Variants in ZNF804B observed in about 807,000 individuals in gnomAD.
ZNF804B encodes the protein zinc finger 804B.
A neutral mutation model predicts 101.4 loss-of-function variants in ZNF804B; 80 were observed. The observed-to-expected ratio is 0.79, with a 90% confidence interval of 0.66 to 0.95. The LOEUF (loss-of-function observed/expected upper bound fraction) is 0.95, where lower values mean the gene tolerates loss of function less well. Ranked by LOEUF, ZNF804B falls within the 40% of genes least tolerant of loss-of-function variation. The pLI is 0.00. For missense variants in ZNF804B, 1,673 were observed against 1,561.9 expected (o/e 1.07, Z -1.20); for synonymous variants, 622 against 558.8 (o/e 1.11, Z -1.59).
At chr7:89,149,062 G>C (rs1463238649) in intron 1 of ZNF804B, among the ~76,000 whole-genome samples, 2 of 151,982 alleles carry the variant, frequency 1.3e-5, no homozygotes, top group East Asian at 3.9e-4. Context: ...ATAGAAGAAG[G>C]CATCAGAAGG....
chr7:88,919,716 A>G (rs1483502103), intron 1 of ZNF804B, among the ~76,000 whole-genome samples: 1 of 152,080 alleles, frequency 6.6e-6, no homozygotes, highest in Non-Finnish European at 1.5e-5. Context: ...ATCCAGGCAC[A>G]TTGTTATCGT....
intron 1 of ZNF804B, among the ~76,000 whole-genome samples, chr7:89,045,569 A>G (rs543176022): frequency 6.6e-6 from 1 of 152,326 alleles, no homozygotes; most frequent in East Asian, 1.9e-4. Context: ...CAACACTTGC[A>G]TCAGCATGAC....
intron 1 of ZNF804B, among the ~76,000 whole-genome samples, chr7:89,210,996 C>T (rs190929724): frequency 1.3e-5 from 2 of 152,332 alleles, no homozygotes; most frequent in Admixed American, 1.3e-4. Context: ...GCAACCTTGA[C>T]AGCAACTGTT....
chr7:88,837,499 A>T (rs905562184), intron 1 of ZNF804B, among the ~76,000 whole-genome samples: 2 of 151,954 alleles, frequency 1.3e-5, no homozygotes, highest in East Asian at 1.9e-4. Flanking sequence ...TTTTTCAGTG[A>T]TCAATGGTAG....
chr7:88,807,098 A>G (rs1333055660), intron 1 of ZNF804B, among the ~76,000 whole-genome samples: 1 of 152,184 alleles, frequency 6.6e-6, no homozygotes, highest in East Asian at 1.9e-4. Flanking sequence ...ATAACTTTAT[A>G]CTTTTAACCT....
At chr7:89,252,787 A>T (rs1789562569) in intron 2 of ZNF804B, among the ~76,000 whole-genome samples, 1 of 152,240 alleles carries the variant, frequency 6.6e-6, no homozygotes, top group South Asian at 2.1e-4. Context: ...CAGAAGCAGA[A>T]AATCAGATGC....
chr7:89,107,302 A>C (rs1280484254), intron 1 of ZNF804B, among the ~76,000 whole-genome samples: 1 of 152,136 alleles, frequency 6.6e-6, no homozygotes, highest in Admixed American at 6.6e-5. Flanking sequence ...ATGAATTATA[A>C]ATTTAATGAT....
intron 1 of ZNF804B, among the ~76,000 whole-genome samples, chr7:89,053,076 T>C (rs1789234074): frequency 6.6e-6 from 1 of 152,176 alleles, no homozygotes; most frequent in Admixed American, 6.6e-5. Context: ...TCAGGTATAA[T>C]TATAACAGTT....
intron 1 of ZNF804B, among the ~76,000 whole-genome samples, chr7:88,955,218 T>A (rs1793287443): frequency 1.3e-5 from 2 of 151,674 alleles, no homozygotes. Context: ...GAGCCTCATA[T>A]TTCTGAGTCC....
chr7:89,278,771 A>C (rs1269520367), intron 2 of ZNF804B, among the ~76,000 whole-genome samples: 1 of 150,154 alleles, frequency 6.7e-6, no homozygotes, highest in Non-Finnish European at 1.5e-5. Flanking sequence ...GTATAGTTTG[A>C]AGTCAGGTAG....
intron 1 of ZNF804B, among the ~76,000 whole-genome samples, chr7:88,768,346 T>A (rs920388404): frequency 2.0e-5 from 3 of 152,236 alleles, no homozygotes; most frequent in African/African-American, 7.2e-5. Context: ...AGCTCTACAG[T>A]TTAGCTATAT....
At chr7:89,318,279 G>A (rs1790762769) in intron 2 of ZNF804B, among the ~76,000 whole-genome samples, 1 of 152,204 alleles carries the variant, frequency 6.6e-6, no homozygotes, top group African/African-American at 2.4e-5. Flanking sequence ...ACAGTGCTAT[G>A]TGGAATTGTC....
chr7:89,017,369 C>G (rs1332750567), intron 1 of ZNF804B, among the ~76,000 whole-genome samples: 1 of 152,156 alleles, frequency 6.6e-6, no homozygotes, highest in Non-Finnish European at 1.5e-5. Context: ...ACTTCCAACA[C>G]TATGTTGAAT....
At chr7:88,865,464 C>G (rs1023025564) in intron 1 of ZNF804B, among the ~76,000 whole-genome samples, 1 of 152,014 alleles carries the variant, frequency 6.6e-6, no homozygotes, top group African/African-American at 2.4e-5. Context: ...CCCAAGAGGT[C>G]AAAGCTGTAG....
intron 1 of ZNF804B, among the ~76,000 whole-genome samples, chr7:89,042,901 G>T (rs1454167947): frequency 6.6e-6 from 1 of 152,132 alleles, no homozygotes; most frequent in Non-Finnish European, 1.5e-5. Flanking sequence ...TTAAAATCTG[G>T]CCTACAGGTA....
chr7:88,976,221 T>G (rs1793613909), intron 1 of ZNF804B, among the ~76,000 whole-genome samples: 1 of 151,762 alleles, frequency 6.6e-6, no homozygotes. Context: ...TCAGAATGGC[T>G]TTGGATATTC....
At chr7:89,318,582 G>A (rs1790765568) in intron 2 of ZNF804B, among the ~76,000 whole-genome samples, 1 of 152,180 alleles carries the variant, frequency 6.6e-6, no homozygotes, top group Non-Finnish European at 1.5e-5. Context: ...GGCCAACATG[G>A]CGAAACCCTG....
intron 1 of ZNF804B, among the ~76,000 whole-genome samples, chr7:89,151,081 A>G (rs1790868254): frequency 6.6e-6 from 1 of 152,252 alleles, no homozygotes; most frequent in Middle Eastern, 3.4e-3. Flanking sequence ...GAAAGGAAAG[A>G]AAGTTTAGAT....
chr7:88,816,184 C>T (rs1479067472), intron 1 of ZNF804B, among the ~76,000 whole-genome samples: 3 of 152,160 alleles, frequency 2.0e-5, no homozygotes. Flanking sequence ...TGCAGATTCC[C>T]TTCCTATTAC....
Sources: gnomAD v4.1 joint callset for allele counts (sites outside exome capture counted in the v4.1 genomes callset) on GRCh38, gnomAD v4.1.1 for gene constraint, MANE v1.5 for transcripts, NCBI Gene and HGNC (gene_info 2026-07-23, HGNC 2026-07-21) for gene names.